PRKAR2A: variants seen among roughly 807,000 people sequenced by gnomAD.
PRKAR2A encodes cAMP-dependent protein kinase type II-alpha regulatory subunit.
A neutral mutation model predicts 51.9 loss-of-function variants in PRKAR2A; 29 were observed. That is an observed-to-expected ratio of 0.56 (90% CI 0.42 to 0.76). The LOEUF is 0.76. Ranked by LOEUF, PRKAR2A falls within the 30% of genes least tolerant of loss-of-function variation. The probability of loss-of-function intolerance (pLI) is 0.00; values close to 1 mark genes in which losing one functional copy is unlikely to be tolerated. For synonymous variants in PRKAR2A, 178 were observed against 186.2 expected (o/e 0.96, Z 0.36); for missense variants, 445 against 512.1 (o/e 0.87, Z 1.26).
At chr3:48,804,585 G>A (rs576618821) in intron 2 of PRKAR2A, among the ~76,000 whole-genome samples, 70 of 152,232 alleles carry the variant, frequency 4.6e-4, no homozygotes, top group Middle Eastern at 3.4e-3. Context: ...GCAAAAAGAC[G>A]GCAGAATCAA....
intron 3 of PRKAR2A, among the ~76,000 whole-genome samples, chr3:48,793,296 C>T (rs2082422576): frequency 6.6e-6 from 1 of 151,966 alleles, no homozygotes; most frequent in Non-Finnish European, 1.5e-5. Context: ...TAAGTTGTTG[C>T]CATTTTTCAT....
chr3:48,744,785 G>T (rs1226200533), downstream of PRKAR2A: 1 of 152,166 alleles, frequency 6.6e-6, no homozygotes, highest in Non-Finnish European at 1.5e-5. Flanking sequence ...GAAATTGTAG[G>T]TACAGTGGGC....
chr3:48,839,842 C>A (rs2083347862), intron 1 of PRKAR2A, among the ~76,000 whole-genome samples: 1 of 152,032 alleles, frequency 6.6e-6, no homozygotes, highest in African/African-American at 2.4e-5. Context: ...GTATACAATT[C>A]ATTTTTTCTT....
At chr3:48,818,775 A>T (rs2082912550) in intron 1 of PRKAR2A, among the ~76,000 whole-genome samples, 1 of 152,140 alleles carries the variant, frequency 6.6e-6, no homozygotes, top group South Asian at 2.1e-4. Context: ...AACTTCTCTG[A>T]GCCTCAGTAT....
At chr3:48,824,542 TAAGAAAGA>T (rs200913812) in intron 1 of PRKAR2A, among the ~76,000 whole-genome samples, 30,787 of 123,524 alleles carry the variant, frequency 0.25, 4,132 homozygotes, top group South Asian at 0.36. Context: ...TCCAAAATCA[TAAGAAAGA>T]AAGAAAGAAA....
At chr3:48,792,053 G>A (rs550733761) in intron 3 of PRKAR2A, among the ~76,000 whole-genome samples, 57 of 151,626 alleles carry the variant, frequency 3.8e-4, no homozygotes, top group Non-Finnish European at 7.4e-4. Context: ...CACAAAAATG[G>A]TAGCGTTTAT....
At chr3:48,825,032 T>C (rs1274861731) in intron 1 of PRKAR2A, among the ~76,000 whole-genome samples, 3 of 140,258 alleles carry the variant, frequency 2.1e-5, no homozygotes, top group African/African-American at 5.2e-5. Context: ...TCTTTTCTTT[T>C]TTTTTTTTTT....
intron 5 of PRKAR2A, among the ~76,000 whole-genome samples, chr3:48,777,167 G>A (rs1376710021): frequency 3.3e-5 from 5 of 151,996 alleles, no homozygotes; most frequent in Non-Finnish European, 4.4e-5. Flanking sequence ...CAGTCATCTC[G>A]CCTGCTATCT....
chr3:48,794,255 G>A (rs1415199259), intron 2 of PRKAR2A, among the ~76,000 whole-genome samples: 1 of 150,982 alleles, frequency 6.6e-6, no homozygotes, highest in East Asian at 2.0e-4. Flanking sequence ...AGGTTCAAGC[G>A]ATTCTCTTGC....
chr3:48,799,715 G>C (rs2082555102), intron 2 of PRKAR2A, among the ~76,000 whole-genome samples: 1 of 152,196 alleles, frequency 6.6e-6, no homozygotes, highest in Non-Finnish European at 1.5e-5. Context: ...CTGTTCTGCT[G>C]CCTGTCACAG....
At chr3:48,745,288 G>A (rs1369801131), downstream of PRKAR2A, among the ~76,000 whole-genome samples, 1 of 150,998 alleles carries the variant, frequency 6.6e-6, no homozygotes, top group African/African-American at 2.4e-5. Flanking sequence ...TCCTGCCTTA[G>A]CCTCCCAAAG....
intron 6 of PRKAR2A, among the ~76,000 whole-genome samples, chr3:48,769,898 G>A (rs1026995674): frequency 1.3e-5 from 2 of 151,818 alleles, no homozygotes; most frequent in Non-Finnish European, 2.9e-5. Flanking sequence ...CCAACTCAGC[G>A]TCCCAAGTAG....
At chr3:48,808,159 T>C (rs1277431951) in intron 1 of PRKAR2A, among the ~76,000 whole-genome samples, 1 of 151,184 alleles carries the variant, frequency 6.6e-6, no homozygotes, top group African/African-American at 2.4e-5. Flanking sequence ...GCCATTCTCC[T>C]GCCTCAGCCT....
Position 48,791,285 on chromosome 3 carries a change from TAAAAAAAAAAAAAAA to T in PRKAR2A, c.352-673_352-659del, listed in dbSNP as rs35380085. Among the ~76,000 whole-genome samples the T allele has an allele frequency of 3.5e-3, 153 of 43,780 alleles. 1 individual carries two copies. The highest frequency in any genetic ancestry group is 0.012 in the African/African-American group (126 of 10,766). The allele number at this position is 43,780 out of a possible 152,430, so 28.7% of individuals were successfully genotyped here. On this transcript the variant is annotated intron_variant, in intron 3 of 10. Transcript: ENST00000265563. The stretch of plus-strand genomic sequence containing the variant: ...CTAGCGACAGAGAGAGATTCCATCT[TAAAAAAAAAAAAAAA>T]AAAAAAAAAAAAAGGGCTGGGCGTG...
At chr3:48,782,538 G>A (rs533210331) in intron 5 of PRKAR2A, among the ~76,000 whole-genome samples, 4 of 151,920 alleles carry the variant, frequency 2.6e-5, no homozygotes, top group East Asian at 1.9e-4. Flanking sequence ...GATTACAGGC[G>A]TGAGCCTCCT....
rs1449907175 is a variant in PRKAR2A, at chr3:48,746,720, C to T, written c.*4865G>A. ...ATGACTGTTCATTATATGTTTAACA[C>T]CACAGAGCAAGAATTGATCACGTTT... On this transcript the variant is annotated 3_prime_UTR_variant, in exon 11 of 11. Coordinates refer to ENST00000265563, the MANE Select transcript of PRKAR2A (RefSeq NM_004157.4). 6.6e-6 allele frequency: 1 copy of T among 152,144 alleles called. No homozygotes were observed. The highest frequency in any genetic ancestry group is 2.4e-5 in the African/African-American group (1 of 41,426). 9.4% of individuals were successfully genotyped at this position (152,144 alleles called of 1,614,324 possible).
intron 5 of PRKAR2A, among the ~76,000 whole-genome samples, chr3:48,775,242 T>C (rs1340508637): frequency 1.4e-4 from 21 of 151,282 alleles, no homozygotes; most frequent in Admixed American, 1.4e-3. Context: ...AGTTCGAGAC[T>C]AGCCTGGCCA....
chr3:48,813,232 CAA>C (rs35033928), intron 1 of PRKAR2A, among the ~76,000 whole-genome samples: 22 of 80,422 alleles, frequency 2.7e-4, no homozygotes, highest in African/African-American at 4.2e-4. Flanking sequence ...CTATCTCTAC[CAA>C]AAAAAAAAAA....
At chr3:48,792,514 T>G (rs1474325511) in intron 3 of PRKAR2A, among the ~76,000 whole-genome samples, 1 of 130,530 alleles carries the variant, frequency 7.7e-6, no homozygotes, top group Non-Finnish European at 1.6e-5. Flanking sequence ...CAGGCTGGAG[T>G]GCAGTGGCGT....
Sources: gnomAD v4.1 joint callset for allele counts (sites outside exome capture counted in the v4.1 genomes callset) on GRCh38, gnomAD v4.1.1 for gene constraint, MANE v1.5 for transcripts, NCBI Gene and HGNC (gene_info 2026-07-23, HGNC 2026-07-21) for gene names.